Variants in PCCA observed in about 807,000 individuals in gnomAD.
PCCA encodes the protein propionyl-CoA carboxylase subunit alpha, also known as propionyl-CoA carboxylase alpha chain, mitochondrial.
A neutral mutation model predicts 101.3 loss-of-function variants in PCCA; 74 were observed. That is an observed-to-expected ratio of 0.73 (90% CI 0.61 to 0.89). The LOEUF (loss-of-function observed/expected upper bound fraction) is 0.89. Among genes scored for constraint, PCCA ranks in the 40% least tolerant of loss-of-function variants. The probability of loss-of-function intolerance (pLI) is 0.00; values close to 1 mark genes in which losing one functional copy is unlikely to be tolerated. For missense variants in PCCA, 891 were observed against 907.0 expected (o/e 0.98, Z 0.23); for synonymous variants, 294 against 313.6 (o/e 0.94, Z 0.66).
chr13:100,116,792 G>A (rs1186855500), intron 4 of PCCA, among the ~76,000 whole-genome samples: 1 of 152,018 alleles, frequency 6.6e-6, no homozygotes, highest in Non-Finnish European at 1.5e-5. Context: ...ATTTTTGTCT[G>A]GATAGCAAAT....
At chr13:100,282,453 C>T (rs929341356) in intron 12 of PCCA, among the ~76,000 whole-genome samples, 2 of 152,292 alleles carry the variant, frequency 1.3e-5, no homozygotes, top group African/African-American at 2.4e-5. Context: ...GAGGGAGAGG[C>T]GCAAGCTGGA....
intron 2 of PCCA, among the ~76,000 whole-genome samples, chr13:100,106,808 A>T (rs1407529862): frequency 6.6e-6 from 1 of 152,144 alleles, no homozygotes; most frequent in African/African-American, 2.4e-5. Context: ...TAAATCCTGA[A>T]ATCAATTCTG....
chr13:100,448,441 T>G (rs548168218), intron 20 of PCCA, among the ~76,000 whole-genome samples: 25 of 152,284 alleles, frequency 1.6e-4, no homozygotes, highest in African/African-American at 5.8e-4. Flanking sequence ...TCCGCCTGCC[T>G]CAACCTCCCA....
intron 19 of PCCA, among the ~76,000 whole-genome samples, chr13:100,420,111 A>G (rs2078650474): frequency 6.6e-6 from 1 of 152,188 alleles, no homozygotes. Flanking sequence ...TATGTCATTT[A>G]TCACTTCACT....
At position 100,160,853 on chromosome 13, in the gene PCCA, T is replaced by TTCTATGTTGTTTTAATCATATTA. The variant is rs574684088; in HGVS notation, c.468+3516_468+3538dup. On this transcript the variant is annotated intron_variant, in intron 6 of 23. Transcript: ENST00000376285. The stretch of plus-strand genomic sequence containing the variant: ...GTATTCTGTGTTTTCTTTCTGGTTT[T>TTCTATGTTGTTTTAATCATATTA]TCTATGTTGTTTTAATCATATTATC... The TTCTATGTTGTTTTAATCATATTA allele has an allele frequency of 1.2e-3, 177 of 152,358 alleles. 1 individual carries two copies. The highest frequency in any genetic ancestry group is 4.1e-3 in the African/African-American group (170 of 41,590). 9.4% of individuals were successfully genotyped at this position (152,358 alleles called of 1,614,324 possible).
intron 7 of PCCA, among the ~76,000 whole-genome samples, chr13:100,224,313 C>T (rs984318819): frequency 1.3e-5 from 2 of 152,238 alleles, no homozygotes; most frequent in African/African-American, 2.4e-5. Flanking sequence ...CCTCATTGCC[C>T]GGGGCCGGCA....
At chr13:100,392,930 G>A (rs1473712920) in intron 19 of PCCA, among the ~76,000 whole-genome samples, 2 of 152,132 alleles carry the variant, frequency 1.3e-5, no homozygotes, top group African/African-American at 4.8e-5. Flanking sequence ...CCCAGGGAAG[G>A]TCAAGTGACT....
At chr13:100,089,257 C>T (rs752584813) in intron 1 of PCCA, 32 bp downstream of exon 1, 146 of 1,457,974 alleles carry the variant, frequency 1.0e-4, no homozygotes, top group Non-Finnish European at 1.2e-4. Context: ...CGGGTCCGGG[C>T]TTCACTGGGC....
chr13:100,237,899 C>T (rs1233556402), intron 8 of PCCA, among the ~76,000 whole-genome samples: 2 of 150,944 alleles, frequency 1.3e-5, no homozygotes, highest in Non-Finnish European at 3.0e-5. Flanking sequence ...TGCTTTGCTT[C>T]CTTTATGCCT....
intron 12 of PCCA, among the ~76,000 whole-genome samples, chr13:100,299,670 A>G (rs2065904396): frequency 6.6e-6 from 1 of 152,152 alleles, no homozygotes; most frequent in South Asian, 2.1e-4. Flanking sequence ...CCTATCAGGG[A>G]TGTGTGAATA....
intron 2 of PCCA, among the ~76,000 whole-genome samples, chr13:100,103,345 T>C (rs186547666): frequency 6.6e-6 from 1 of 151,732 alleles, no homozygotes; most frequent in East Asian, 1.9e-4. Context: ...GGAGTCATGC[T>C]CTATCACCCA....
chr13:100,418,930 T>G (rs1361107534), intron 19 of PCCA, among the ~76,000 whole-genome samples: 1 of 151,934 alleles, frequency 6.6e-6, no homozygotes, highest in Non-Finnish European at 1.5e-5. Flanking sequence ...TCCCTGTTCT[T>G]CAAGAGCCGG....
chr13:100,432,122 G>A (rs1368511028), intron 20 of PCCA, among the ~76,000 whole-genome samples: 2 of 151,700 alleles, frequency 1.3e-5, no homozygotes, highest in Non-Finnish European at 2.9e-5. Flanking sequence ...TCCAGCCTGG[G>A]CAACAAAGCA....
At chr13:100,184,874 C>T (rs1390634224) in intron 6 of PCCA, among the ~76,000 whole-genome samples, 1 of 152,118 alleles carries the variant, frequency 6.6e-6, no homozygotes, top group Non-Finnish European at 1.5e-5. Context: ...TGTAATTGGC[C>T]AGTACTTGTT....
intron 19 of PCCA, among the ~76,000 whole-genome samples, chr13:100,379,785 A>G (rs1391369148): frequency 6.6e-6 from 1 of 151,942 alleles, no homozygotes; most frequent in Admixed American, 6.6e-5. Context: ...CACGGGGAAG[A>G]CCCACCCCCG....
At chr13:100,320,439 C>G (rs2067898716) in intron 16 of PCCA, among the ~76,000 whole-genome samples, 2 of 152,178 alleles carry the variant, frequency 1.3e-5, no homozygotes, top group Admixed American at 6.5e-5. Context: ...TTTGCCCATT[C>G]AGTATGATAT....
At chr13:100,224,137 C>T (rs2059993101) in intron 7 of PCCA, among the ~76,000 whole-genome samples, 1 of 152,218 alleles carries the variant, frequency 6.6e-6, no homozygotes, top group African/African-American at 2.4e-5. Flanking sequence ...CCCACAGGAG[C>T]CCAGGGAGGG....
At chr13:100,499,281 A>G (rs1243972745) in intron 21 of PCCA, among the ~76,000 whole-genome samples, 1 of 152,236 alleles carries the variant, frequency 6.6e-6, no homozygotes, top group Non-Finnish European at 1.5e-5. Context: ...ACTAGGAGAT[A>G]GTTTTGTATC....
intron 19 of PCCA, among the ~76,000 whole-genome samples, chr13:100,392,393 C>G (rs1325528677): frequency 6.6e-6 from 1 of 152,162 alleles, no homozygotes; most frequent in East Asian, 1.9e-4. Flanking sequence ...TATCAAAATT[C>G]AGTCAATGTG....
Sources: allele counts gnomAD v4.1 joint callset (sites outside exome capture counted in the v4.1 genomes callset), GRCh38; gene constraint gnomAD v4.1.1; transcripts MANE v1.5; gene names NCBI Gene and HGNC (gene_info 2026-07-23, HGNC 2026-07-21).